Variants in GPC3 observed in about 807,000 individuals in gnomAD.
GPC3 encodes glypican-3.
GPC3 carries 3 observed loss-of-function variants against 34.4 expected under a neutral mutation model. The observed-to-expected ratio is 0.09, with a 90% CI of 0.04 to 0.23. GPC3 has a LOEUF of 0.23. Among genes scored for constraint, GPC3 ranks in the 10% least tolerant of loss-of-function variants. GPC3 has a pLI of 1.00. For missense variants in GPC3, 351 were observed against 445.6 expected, an observed-to-expected ratio of 0.79 and a Z score of 1.91; for synonymous variants, 177 against 174.0, an observed-to-expected ratio of 1.02 and a Z score of -0.13.
At position 133,653,997 on chromosome X, in the gene GPC3, T is replaced by G; in HGVS notation, c.1413+7733A>C. Among the ~76,000 whole-genome samples the G allele has an allele frequency of 2.7e-5, 3 of 111,881 alleles. 1 individual carries two copies. In the South Asian group the frequency reaches 1.1e-3, roughly 43 times the overall value. On this transcript the variant is annotated intron_variant, in intron 6 of 7. Coordinates refer to ENST00000370818, the MANE Select transcript of GPC3 (RefSeq NM_004484.4). Reference sequence around the variant, plus strand: ...CCTCTCCTGGCTTTAACATCCTCTGTAAAATCAAAGGGTTAGACCCTATGA... The same window carrying G: ...CCTCTCCTGGCTTTAACATCCTCTGGAAAATCAAAGGGTTAGACCCTATGA...
At chrX:133,893,025 G>A (rs1357670749) in intron 2 of GPC3, among the ~76,000 whole-genome samples, 1 of 111,590 alleles carries the variant, frequency 9.0e-6, no homozygotes, top group Admixed American at 9.6e-5. Context: ...GGAGGCCAAG[G>A]CGGGCGGATC....
intron 7 of GPC3, among the ~76,000 whole-genome samples, chrX:133,593,354 T>TAAAAAAAAAAAAAA (rs1186766438): frequency 2.3e-4 from 11 of 47,705 alleles, no homozygotes; most frequent in Non-Finnish European, 3.5e-4. Context: ...AAAAAAAAAG[T>TAAAAAAAAAAAAAA]AAAAAAAAAA....
intron 5 of GPC3, chrX:133,670,919 C>A (rs2070820363): frequency 2.6e-6 from 1 of 382,026 alleles, no homozygotes; most frequent in Admixed American, 4.2e-5. Flanking sequence ...ATGCACATAT[C>A]TAAATAAAAA....
chrX:133,859,957 A>G (rs1314057328), intron 2 of GPC3, among the ~76,000 whole-genome samples: 6 of 111,224 alleles, frequency 5.4e-5, no homozygotes, highest in African/African-American at 2.0e-4. Flanking sequence ...CAAGAGCAGA[A>G]TCGAGAGAGG....
At chrX:133,724,085 C>A (rs947152886) in intron 3 of GPC3, among the ~76,000 whole-genome samples, 1 of 112,029 alleles carries the variant, frequency 8.9e-6, no homozygotes, top group Non-Finnish European at 1.9e-5. Flanking sequence ...GTAACCAGCC[C>A]TGTGAGGTAA....
At chrX:133,547,048 T>A (rs2069393133) in intron 7 of GPC3, among the ~76,000 whole-genome samples, 1 of 111,705 alleles carries the variant, frequency 9.0e-6, no homozygotes, top group African/African-American at 3.3e-5. Flanking sequence ...GAGGCCATTA[T>A]GTTGAGTGAA....
intron 2 of GPC3, among the ~76,000 whole-genome samples, chrX:133,940,010 T>C (rs991386952): frequency 9.0e-6 from 1 of 111,155 alleles, no homozygotes; most frequent in Non-Finnish European, 1.9e-5. Context: ...GGCCAGATTG[T>C]GTTTGTCAGG....
intron 1 of GPC3, among the ~76,000 whole-genome samples, chrX:133,979,200 G>C (rs1328966468): frequency 1.8e-5 from 2 of 111,414 alleles, no homozygotes; most frequent in Non-Finnish European, 3.8e-5. Flanking sequence ...TATTAAGTAC[G>C]CTTCAAAGAG....
chrX:133,902,861 AGT>A (rs200989909), intron 2 of GPC3, among the ~76,000 whole-genome samples: 9,471 of 112,401 alleles, frequency 0.084, 965 homozygotes, highest in African/African-American at 0.29. Flanking sequence ...TACTATAGTC[AGT>A]TCTGAGATTA....
rs752933878 is a variant in GPC3 at position 133,616,988 on chromosome X, G to A, written c.1414-20389C>T. Among the ~76,000 whole-genome samples, 3 of 111,432 alleles carry A rather than the reference G, an allele frequency of 2.7e-5. No homozygotes were observed. In the East Asian group the frequency reaches 8.4e-4, roughly 31 times the overall value. On this transcript the variant is annotated intron_variant, in intron 6 of 7. Coordinates refer to ENST00000370818, the MANE Select transcript of GPC3 (RefSeq NM_004484.4). ...ACTGGGATTACAGGCGTGAGCCACC[G>A]CGCCTAGCCTAGAAATTGATTTTTG...
rs778435447 is a variant in GPC3, at chrX:133,817,475, C to A, written c.338-63299G>T. On this transcript the variant is annotated intron_variant, in intron 2 of 7. Coordinates refer to ENST00000370818, the MANE Select transcript of GPC3 (RefSeq NM_004484.4). ...GTATATATCTGAGAAAGTTCTGCAG[C>A]TTCAAACAAAAACAAAAACAAAAAC... 2.0e-3 allele frequency among the ~76,000 whole-genome samples: 225 copies of A among 110,178 alleles called. 1 individual carries two copies. Among genetic ancestry groups the A allele is most frequent in the African/African-American group, 7.0e-3 (212 of 30,323 alleles).
chrX:133,603,399 C>T (rs1170010970), intron 6 of GPC3, among the ~76,000 whole-genome samples: 1 of 110,875 alleles, frequency 9.0e-6, no homozygotes, highest in East Asian at 2.8e-4. Flanking sequence ...GCAGACCACT[C>T]CTTACTCTTT....
rs189345013 is a variant in GPC3 at position 133,616,913 on chromosome X, T to C, written c.1414-20314A>G. 1.8e-3 allele frequency among the ~76,000 whole-genome samples: 200 copies of C among 109,862 alleles called. 1 individual carries two copies. The highest frequency in any genetic ancestry group is 6.4e-3 in the African/African-American group (192 of 30,175). On this transcript the variant is annotated intron_variant, in intron 6 of 7. Transcript: ENST00000370818. ...TGGGGTTTCACCGGGTTAGCCAGGA[T>C]GGTCTCGATCTCCTGACCTCGTGAT... is the stretch of plus-strand genomic sequence containing the variant.
intron 2 of GPC3, among the ~76,000 whole-genome samples, chrX:133,776,282 G>GC (rs1569430337): frequency 9.0e-6 from 1 of 110,892 alleles, no homozygotes; most frequent in African/African-American, 3.3e-5. Flanking sequence ...AATGACTGGC[G>GC]CCCCCTCCTG....
At chrX:133,835,236 G>A (rs188807892) in intron 2 of GPC3, among the ~76,000 whole-genome samples, 4 of 112,030 alleles carry the variant, frequency 3.6e-5, no homozygotes, top group Admixed American at 9.5e-5. Flanking sequence ...CAGTATCTGC[G>A]TTGGGAGCTG....
At chrX:133,733,636 C>T (rs2071482762) in intron 3 of GPC3, among the ~76,000 whole-genome samples, 1 of 110,272 alleles carries the variant, frequency 9.1e-6, no homozygotes, top group Non-Finnish European at 1.9e-5. Context: ...GTTTGATAAA[C>T]CTTTAGCTAG....
chrX:133,629,728 G>A (rs1432744353), intron 6 of GPC3, among the ~76,000 whole-genome samples: 1 of 109,553 alleles, frequency 9.1e-6, no homozygotes, highest in Non-Finnish European at 1.9e-5. Flanking sequence ...CTAAGGAAAG[G>A]GAAAGGGGAA....
chrX:133,627,585 T>C (rs1213554928), intron 6 of GPC3, among the ~76,000 whole-genome samples: 1 of 112,043 alleles, frequency 8.9e-6, no homozygotes, highest in Non-Finnish European at 1.9e-5. Context: ...ATAGCTACAC[T>C]CTTTCCTCTA....
At chrX:133,910,067 C>G (rs1569453501) in intron 2 of GPC3, among the ~76,000 whole-genome samples, 2 of 110,574 alleles carry the variant, frequency 1.8e-5, no homozygotes, top group African/African-American at 3.3e-5. Context: ...CTTTGCTTGC[C>G]AGATGGTGCC....
Sources: gnomAD v4.1 joint callset for allele counts (sites outside exome capture counted in the v4.1 genomes callset) on GRCh38, gnomAD v4.1.1 for gene constraint, MANE v1.5 for transcripts, NCBI Gene and HGNC (gene_info 2026-07-23, HGNC 2026-07-21) for gene names.